Variants in ACADSB observed in about 807,000 individuals in gnomAD.
ACADSB encodes short/branched chain specific acyl-CoA dehydrogenase, mitochondrial.
ACADSB carries 40 observed loss-of-function variants against 54.1 expected under a neutral mutation model. The ratio of observed to expected loss-of-function variants is 0.74; its 90% CI spans 0.57 to 0.96. The LOEUF is 0.96. Among genes scored for constraint, ACADSB ranks in the 40% least tolerant of loss-of-function variants. The pLI, the probability that ACADSB is intolerant of heterozygous loss-of-function variation, is 0.00. For synonymous variants in ACADSB, 182 were observed against 182.8 expected, an observed-to-expected ratio of 1.00 and a Z score of 0.03; for missense variants, 530 against 510.4, an observed-to-expected ratio of 1.04 and a Z score of -0.37.
chr10:123,048,412 T>C (rs1026399292), intron 8 of ACADSB, among the ~76,000 whole-genome samples: 1 of 151,730 alleles, frequency 6.6e-6, no homozygotes, highest in Non-Finnish European at 1.5e-5. Context: ...AAAGCTAATA[T>C]GGGGCCAAAA....
intron 1 of ACADSB, among the ~76,000 whole-genome samples, chr10:123,012,312 C>T (rs548171574): frequency 6.6e-6 from 1 of 152,168 alleles, no homozygotes; most frequent in South Asian, 2.1e-4. Flanking sequence ...TATTTGGCAT[C>T]CAGGTAGAGA....
intron 7 of ACADSB, 108 bp downstream of exon 7, chr10:123,044,593 C>T (rs1850525825): frequency 2.3e-6 from 2 of 862,918 alleles, no homozygotes; most frequent in Non-Finnish European, 3.8e-6. Context: ...CAAGATGGCA[C>T]CGTTCCCTTA....
rs1481370981 is a variant in ACADSB at position 123,043,161 on chromosome 10, A to C, written c.797A>C (p.Glu266Ala). ...RASSTCPLTF[E>A]NVKVPEANIL... ...TCTTCCACCTGCCCGTTAACATTCG[A>C]AAATGTCAAGGTGGGTATCGTAGAC... Residue 266 changes from glutamate to alanine, a missense_variant, in exon 6 of 11, where the codon GAA becomes GCA. Coordinates refer to ENST00000358776, the MANE Select transcript of ACADSB (RefSeq NM_001609.4). The C allele has an allele frequency of 6.2e-7, 1 of 1,613,840 alleles. No homozygotes were observed. Among genetic ancestry groups the C allele is most frequent in the East Asian group, 2.2e-5 (1 of 44,870 alleles).
At position 123,054,158 on chromosome 10, in the gene ACADSB, C is replaced by T. The variant is rs767555964; in HGVS notation, c.*393C>T. ...TCTCATGCCTCATCCTCCCAAGTAG[C>T]TGGAACTACAGGTGTGCACCACCAT... is the stretch of plus-strand genomic sequence containing the variant. On this transcript the variant is annotated 3_prime_UTR_variant, in exon 11 of 11. Coordinates refer to ENST00000358776, the MANE Select transcript of ACADSB (RefSeq NM_001609.4). 3.3e-5 allele frequency: 8 copies of T among 239,826 alleles called. No homozygotes were observed. The highest frequency in any genetic ancestry group is 6.7e-5 in the Non-Finnish European group (8 of 120,252). The allele number at this position is 239,826 out of a possible 1,614,324, so 14.9% of individuals were successfully genotyped here.
At chr10:123,044,284 G>A in intron 6 of ACADSB, 109 bp from the exon 7 acceptor site, 1 of 963,964 alleles carries the variant, frequency 1.0e-6, no homozygotes, top group South Asian at 1.3e-5. Flanking sequence ...GGCAAGTTCT[G>A]TGAGAGGGCT....
chr10:123,016,346 G>A (rs1032244381), intron 1 of ACADSB, among the ~76,000 whole-genome samples: 1 of 152,244 alleles, frequency 6.6e-6, no homozygotes, highest in African/African-American at 2.4e-5. Flanking sequence ...TGACAAATCG[G>A]AAGTGAGGTA....
At chr10:123,026,440 G>C (rs1850252869) in intron 1 of ACADSB, among the ~76,000 whole-genome samples, 1 of 152,084 alleles carries the variant, frequency 6.6e-6, no homozygotes, top group Admixed American at 6.5e-5. Context: ...ATCACGTGTA[G>C]ATTTGCATAA....
intron 1 of ACADSB, among the ~76,000 whole-genome samples, chr10:123,016,082 A>G (rs745310444): frequency 1.4e-4 from 21 of 152,354 alleles, no homozygotes; most frequent in Non-Finnish European, 2.6e-4. Context: ...TGACAGAAGA[A>G]AGGTAATTCT....
intron 1 of ACADSB, among the ~76,000 whole-genome samples, chr10:123,016,357 C>T (rs1387640812): frequency 2.0e-5 from 3 of 152,196 alleles, no homozygotes; most frequent in African/African-American, 7.2e-5. Context: ...AAGTGAGGTA[C>T]ACAGTGGCTG....
intron 1 of ACADSB, among the ~76,000 whole-genome samples, chr10:123,024,967 C>G (rs1257477394): frequency 6.6e-6 from 1 of 152,308 alleles, no homozygotes; most frequent in Non-Finnish European, 1.5e-5. Flanking sequence ...GACCCTATTT[C>G]CTGCCTCAGT....
chr10:123,018,169 T>A (rs1032831809), intron 1 of ACADSB, among the ~76,000 whole-genome samples: 5 of 152,174 alleles, frequency 3.3e-5, no homozygotes, highest in African/African-American at 1.2e-4. Context: ...ATTTTTGGTT[T>A]ACACATGATT....
At chr10:123,032,273 C>G (rs1029638271) in intron 1 of ACADSB, among the ~76,000 whole-genome samples, 2 of 152,006 alleles carry the variant, frequency 1.3e-5, no homozygotes, top group African/African-American at 4.8e-5. Context: ...GCCACTGCAC[C>G]CGGCCTCGTG....
At position 123,052,367 on chromosome 10, in the gene ACADSB, A is replaced by G. The variant is rs1850643793; in HGVS notation, c.1129-694A>G. Among the ~76,000 whole-genome samples the G allele has an allele frequency of 6.6e-6, 1 of 152,078 alleles. No individual in the cohort carries two copies. Among genetic ancestry groups the G allele is most frequent in the Non-Finnish European group, 1.5e-5 (1 of 68,012 alleles). On this transcript the variant is annotated intron_variant, in intron 9 of 10. Coordinates refer to ENST00000358776, the MANE Select transcript of ACADSB (RefSeq NM_001609.4). This position sits in a 1 kb window ranked among gnomAD's most constrained non-coding sequence, Gnocchi z 4.2. ...CCCTTCCTCCATCTTCAAAGCCAACAATGTGGCATGTTCAGATCTCTCTCT... is the reference window on the plus strand; with the variant it reads ...CCCTTCCTCCATCTTCAAAGCCAACGATGTGGCATGTTCAGATCTCTCTCT...
rs769448475 is a variant in ACADSB at position 123,053,734 on chromosome 10, C to A, written c.1268C>A (p.Thr423Asn). 6.2e-7 allele frequency: 1 copy of A among 1,614,100 alleles called. No individual in the cohort carries two copies. Among genetic ancestry groups the A allele is most frequent in the Non-Finnish European group, 8.5e-7 (1 of 1,179,926 alleles). ...GGAGCTTCCAACATCCAGTTGAACA[C>A]CATTGCAAAGCATATCGATGCAGAA... ...YEGASNIQLN[T>N]IAKHIDAEY Residue 423 changes from threonine to asparagine, a missense_variant, in exon 11 of 11, where the codon ACC becomes AAC. By Grantham distance (65) the Thr-to-Asn change is moderately conservative (BLOSUM62 0). Transcript: ENST00000358776.
chr10:123,015,552 TG>T (rs1184854745), intron 1 of ACADSB, among the ~76,000 whole-genome samples: 1 of 152,110 alleles, frequency 6.6e-6, no homozygotes, highest in East Asian at 1.9e-4. Context: ...AAATGTCCCG[TG>T]GGGGCAAAAT....
rs1333610443 is a variant in ACADSB at position 123,056,784 on chromosome 10, C to T, written c.*3019C>T. The T allele has an allele frequency of 6.6e-6, 1 of 152,256 alleles. No individual in the cohort carries two copies. Among genetic ancestry groups the T allele is most frequent in the Non-Finnish European group, 1.5e-5 (1 of 68,002 alleles). The allele number at this position is 152,256 out of a possible 1,614,324, so 9.4% of individuals were successfully genotyped here. ...GTTTATTTAAAAAACCTGACTTTTC[C>T]AGAGTAATTTTGTTTTGCACATTCA... On this transcript the variant is annotated 3_prime_UTR_variant, in exon 11 of 11. Coordinates refer to ENST00000358776, the MANE Select transcript of ACADSB (RefSeq NM_001609.4).
intron 5 of ACADSB, among the ~76,000 whole-genome samples, chr10:123,042,324 C>G (rs1256730663): frequency 1.3e-5 from 2 of 151,738 alleles, no homozygotes; most frequent in African/African-American, 2.4e-5. Context: ...ATTTAAGTAC[C>G]TATTTAGTAC....
At chr10:123,009,156 C>G in intron 1 of ACADSB, 85 bp downstream of exon 1, 1 of 1,430,876 alleles carries the variant, frequency 7.0e-7, no homozygotes, top group Non-Finnish European at 9.5e-7. Context: ...TCTAACGGGC[C>G]TCGGGGCGCC....
At chr10:123,013,945 C>A (rs1408473399) in intron 1 of ACADSB, among the ~76,000 whole-genome samples, 1 of 152,228 alleles carries the variant, frequency 6.6e-6, no homozygotes, top group East Asian at 1.9e-4. Context: ...TAGAGAAGGG[C>A]TCCCACGGTG....
Sources: gnomAD v4.1 joint callset for allele counts (sites outside exome capture counted in the v4.1 genomes callset) on GRCh38, gnomAD v4.1.1 for gene constraint, Gnocchi (gnomAD v3.1) non-coding constraint, MANE v1.5 for transcripts, NCBI Gene and HGNC (gene_info 2026-07-23, HGNC 2026-07-21) for gene names.